BET1: variants seen among roughly 807,000 people sequenced by gnomAD.
The protein encoded by BET1 is Bet1 golgi vesicular membrane trafficking protein.
BET1 carries 9 observed loss-of-function variants against 13.9 expected under a neutral mutation model. The ratio of observed to expected loss-of-function variants is 0.65; its 90% CI spans 0.39 to 1.13. The LOEUF (loss-of-function observed/expected upper bound fraction) is 1.13. BET1 is among the 50% of genes most tolerant of loss of function. The pLI, the probability that BET1 is intolerant of heterozygous loss-of-function variation, is 0.01. For missense variants in BET1, 127 were observed against 133.6 expected (o/e 0.95, Z 0.24); for synonymous variants, 39 against 47.3 (o/e 0.82, Z 0.72).
At chr7:94,003,029 G>C (rs1195972908) in intron 1 of BET1, among the ~76,000 whole-genome samples, 1 of 152,056 alleles carries the variant, frequency 6.6e-6, no homozygotes, top group Non-Finnish European at 1.5e-5. Flanking sequence ...TCCCCACCTA[G>C]ACTGGAAGCT....
chr7:94,003,636 G>T (rs978636895), intron 1 of BET1, among the ~76,000 whole-genome samples: 1 of 152,074 alleles, frequency 6.6e-6, no homozygotes, highest in Admixed American at 6.6e-5. Context: ...CCTTAACCAC[G>T]TTCTACTGCC....
intron 4 of BET1, among the ~76,000 whole-genome samples, chr7:93,984,397 T>C (rs1257970613): frequency 1.3e-5 from 2 of 152,180 alleles, no homozygotes; most frequent in Non-Finnish European, 1.5e-5. Context: ...TTCAACTCAG[T>C]ACATTTGAGA....
intron 4 of BET1, among the ~76,000 whole-genome samples, chr7:93,979,606 C>T (rs1331003372): frequency 6.6e-6 from 1 of 151,976 alleles, no homozygotes; most frequent in African/African-American, 2.4e-5. Flanking sequence ...TCCTGCACTC[C>T]AGCAAGCATG....
intron 1 of BET1, 136 bp downstream of exon 1, chr7:94,004,062 G>A: frequency 1.6e-6 from 2 of 1,274,912 alleles, no homozygotes; most frequent in South Asian, 2.5e-5. Context: ...CACTCGACAT[G>A]GACCCCAAAG....
chr7:93,976,996 A>T (rs551110777), intron 4 of BET1, among the ~76,000 whole-genome samples: 2 of 152,274 alleles, frequency 1.3e-5, no homozygotes, highest in East Asian at 3.9e-4. Context: ...GTTCCTGCGA[A>T]TGCCCTTATT....
At chr7:93,982,931 C>T (rs1229023417) in intron 4 of BET1, among the ~76,000 whole-genome samples, 2 of 151,952 alleles carry the variant, frequency 1.3e-5, no homozygotes, top group African/African-American at 2.4e-5. Flanking sequence ...TCTCATAATA[C>T]GAAGGTTCTG....
At chr7:93,985,385 C>T (rs867467624) in intron 4 of BET1, among the ~76,000 whole-genome samples, 2 of 152,132 alleles carry the variant, frequency 1.3e-5, no homozygotes, top group African/African-American at 2.4e-5. Context: ...ATTACTAATA[C>T]TCACCTTAAG....
At chr7:93,991,798 T>C (rs1411412799), downstream of BET1, 2 of 966,922 alleles carry the variant, frequency 2.1e-6, no homozygotes, top group Non-Finnish European at 2.5e-6. Flanking sequence ...TAGTCAAAGT[T>C]TATTCATCAG....
intron 2 of BET1, among the ~76,000 whole-genome samples, chr7:93,998,062 A>G (rs1795810640): frequency 6.6e-6 from 1 of 152,166 alleles, no homozygotes; most frequent in Non-Finnish European, 1.5e-5. Context: ...GTGGAGGCTT[A>G]AGGCAAAGGG....
At chr7:93,971,936 T>TA (rs796161473) in intron 6 of BET1, among the ~76,000 whole-genome samples, 4,061 of 140,542 alleles carry the variant, frequency 0.029, 179 homozygotes, top group African/African-American at 0.097. Flanking sequence ...ACTGCAAGCT[T>TA]AAAAAAAAAA....
intron 6 of BET1, among the ~76,000 whole-genome samples, chr7:93,967,067 T>C (rs1393175349): frequency 1.3e-5 from 2 of 151,958 alleles, no homozygotes; most frequent in Admixed American, 6.6e-5. Flanking sequence ...CATTCCACTA[T>C]GGTAGCAATT....
intron 2 of BET1, 114 bp from the exon 3 acceptor site, chr7:93,996,435 G>A (rs958425477): frequency 3.7e-5 from 26 of 711,032 alleles, no homozygotes; most frequent in Non-Finnish European, 5.4e-5. Flanking sequence ...CGGTCTTCTA[G>A]ACACATAAAC....
rs1584129574 is a variant in BET1, at chr7:93,978,344, T to C, written c.236-2244A>G. 2.0e-5 allele frequency among the ~76,000 whole-genome samples: 3 copies of C among 152,130 alleles called. No homozygotes were observed. The South Asian group carries it at 6.2e-4, about 32-fold the overall frequency. ...TTGGCCTCCCAAAGTGCTGGCATTATAGGAGTGAGCCACTGTGCCTGGCCT... is the reference window on the plus strand; with the variant it reads ...TTGGCCTCCCAAAGTGCTGGCATTACAGGAGTGAGCCACTGTGCCTGGCCT... On this transcript the variant is annotated intron_variant and NMD_transcript_variant, in intron 4 of 6. Coordinates refer to the BET1 transcript ENST00000357520.
chr7:93,989,144 G>A (rs1795581832), downstream of BET1, among the ~76,000 whole-genome samples: 1 of 151,550 alleles, frequency 6.6e-6, no homozygotes, highest in Non-Finnish European at 1.5e-5. Flanking sequence ...CTCCCGAGTA[G>A]CTGGGATTAC....
At chr7:93,998,732 T>C (rs758625634) in intron 2 of BET1, among the ~76,000 whole-genome samples, 5 of 151,636 alleles carry the variant, frequency 3.3e-5, no homozygotes, top group Non-Finnish European at 7.4e-5. Flanking sequence ...AACCAGGGGA[T>C]AGTATTAGAA....
intron 4 of BET1, among the ~76,000 whole-genome samples, chr7:93,980,628 G>A (rs1323809644): frequency 1.3e-5 from 2 of 152,062 alleles, no homozygotes; most frequent in Non-Finnish European, 2.9e-5. Flanking sequence ...ACATAATAAA[G>A]GCCATACATG....
intron 4 of BET1, among the ~76,000 whole-genome samples, chr7:93,982,751 C>T (rs1795449869): frequency 6.6e-6 from 1 of 152,056 alleles, no homozygotes; most frequent in Non-Finnish European, 1.5e-5. Context: ...TCTGGGTACA[C>T]AAGAAATAAT....
At chr7:93,993,176 T>C, downstream of BET1, 1 of 985,244 alleles carries the variant, frequency 1.0e-6, no homozygotes. Context: ...TTGATTTGGG[T>C]TGGAATCTGA....
chr7:93,970,446 C>T (rs925916839), intron 6 of BET1, among the ~76,000 whole-genome samples: 2 of 151,700 alleles, frequency 1.3e-5, no homozygotes, highest in African/African-American at 2.4e-5. Context: ...ACTTATTTGA[C>T]CTTTTAAGTA....
Sources: gnomAD v4.1 joint callset for allele counts (sites outside exome capture counted in the v4.1 genomes callset) on GRCh38, gnomAD v4.1.1 for gene constraint, MANE v1.5 for transcripts, NCBI Gene and HGNC (gene_info 2026-07-23, HGNC 2026-07-21) for gene names.